The following ELMO1 variants were observed in gnomAD, a reference collection of about 807,000 sequenced individuals.
The protein encoded by ELMO1 is engulfment and cell motility 1, also known as engulfment and cell motility protein 1.
Under a neutral mutation model 98.9 loss-of-function variants are expected in ELMO1, and 26 were observed. The ratio of observed to expected loss-of-function variants is 0.26; its 90% CI spans 0.19 to 0.36. ELMO1 has a LOEUF of 0.36. ELMO1 is among the 10% of genes least tolerant of loss of function. The pLI is 1.00. For missense variants in ELMO1, 627 were observed against 935.2 expected (o/e 0.67, Z 4.30); for synonymous variants, 346 against 346.0 (o/e 1.00, Z 0.00).
chr7:36,980,865 C>A (rs979686214), intron 16 of ELMO1, among the ~76,000 whole-genome samples: 1 of 152,060 alleles, frequency 6.6e-6, no homozygotes, highest in Non-Finnish European at 1.5e-5. Context: ...TCCAACCCTG[C>A]CTATGGTTTA....
At chr7:37,116,213 A>G (rs772923166) in intron 14 of ELMO1, among the ~76,000 whole-genome samples, 37 of 152,216 alleles carry the variant, frequency 2.4e-4, no homozygotes, top group Non-Finnish European at 5.3e-4. Flanking sequence ...CAGAAAAGGG[A>G]GAAGAAATAG....
At chr7:36,900,260 C>T (rs995855014) in intron 16 of ELMO1, among the ~76,000 whole-genome samples, 6 of 152,216 alleles carry the variant, frequency 3.9e-5, no homozygotes, top group Admixed American at 3.9e-4. Flanking sequence ...GTCATATCAC[C>T]AGCAAGCAGT....
chr7:37,164,818 C>T (rs1337641531), intron 13 of ELMO1, among the ~76,000 whole-genome samples: 55 of 150,052 alleles, frequency 3.7e-4, no homozygotes, highest in South Asian at 1.7e-3. Context: ...CTTGGCAATG[C>T]GGGCTCTTTT....
At chr7:37,408,770 G>A (rs1803878796) in intron 1 of ELMO1, among the ~76,000 whole-genome samples, 2 of 152,096 alleles carry the variant, frequency 1.3e-5, no homozygotes, top group Admixed American at 1.3e-4. Context: ...AAGGGAAAGG[G>A]GAAGTCGTTT....
At chr7:37,307,487 C>T (rs1235063799) in intron 4 of ELMO1, among the ~76,000 whole-genome samples, 3 of 152,126 alleles carry the variant, frequency 2.0e-5, no homozygotes, top group African/African-American at 4.8e-5. Flanking sequence ...TCAATTAAAC[C>T]TCTTTCCTTT....
At chr7:37,414,444 C>T (rs917352433) in intron 1 of ELMO1, among the ~76,000 whole-genome samples, 3 of 152,198 alleles carry the variant, frequency 2.0e-5, no homozygotes, top group Non-Finnish European at 4.4e-5. Flanking sequence ...CTAAATTAAG[C>T]ATATCCAGGT....
rs775969599 is a variant in ELMO1 at position 37,133,246 on chromosome 7, A to G, written c.1087-12T>C. The stretch of plus-strand genomic sequence containing the variant: ...GGGTTGACATGATTCTGTGAGTAAA[A>G]CAAAATCATGATAAGGTGAATTCTT... On this transcript the variant is annotated splice_polypyrimidine_tract_variant and intron_variant, in intron 13 of 21. Coordinates refer to ENST00000310758, the MANE Select transcript of ELMO1 (RefSeq NM_014800.11). 6.3e-7 allele frequency: 1 copy of G among 1,598,788 alleles called. No individual in the cohort carries two copies. The highest frequency in any genetic ancestry group is 8.5e-7 in the Non-Finnish European group (1 of 1,170,528).
intron 15 of ELMO1, among the ~76,000 whole-genome samples, chr7:37,015,121 G>A (rs749429083): frequency 2.2e-4 from 33 of 151,992 alleles, no homozygotes; most frequent in Non-Finnish European, 4.0e-4. Flanking sequence ...GGCACAACCC[G>A]ATTTGAAGAT....
chr7:37,414,197 A>G (rs1219781116), intron 1 of ELMO1, among the ~76,000 whole-genome samples: 1 of 135,412 alleles, frequency 7.4e-6, no homozygotes, highest in African/African-American at 2.5e-5. Flanking sequence ...ATTAGAAAAC[A>G]TTATTTGATA....
intron 14 of ELMO1, among the ~76,000 whole-genome samples, chr7:37,111,402 C>T (rs185688254): frequency 4.9e-4 from 75 of 152,350 alleles, no homozygotes; most frequent in African/African-American, 1.8e-3. Flanking sequence ...TGCTGCATCA[C>T]TTTCAAAAGG....
intron 14 of ELMO1, among the ~76,000 whole-genome samples, chr7:37,130,353 A>G (rs954806128): frequency 1.1e-4 from 16 of 152,282 alleles, no homozygotes; most frequent in African/African-American, 2.4e-4. Context: ...AGCCTGAGGG[A>G]CTGAGACAAG....
At chr7:37,317,961 C>T (rs755305336) in intron 2 of ELMO1, among the ~76,000 whole-genome samples, 5 of 152,002 alleles carry the variant, frequency 3.3e-5, no homozygotes, top group Non-Finnish European at 4.4e-5. Flanking sequence ...CTACTAAGTA[C>T]GCACAAAAGT....
intron 16 of ELMO1, among the ~76,000 whole-genome samples, chr7:36,953,837 TTTTG>T (rs1788203543): frequency 7.6e-6 from 1 of 132,334 alleles, no homozygotes; most frequent in South Asian, 2.6e-4. Context: ...TATGGGTATG[TTTTG>T]TGTGTGTGTG....
chr7:36,971,759 G>A (rs1204333831), intron 16 of ELMO1, among the ~76,000 whole-genome samples: 1 of 152,172 alleles, frequency 6.6e-6, no homozygotes, highest in Non-Finnish European at 1.5e-5. Context: ...CCATAATCTC[G>A]AGTGACTGAT....
Position 37,373,557 on chromosome 7 carries a change from C to A in ELMO1, c.-73-30794G>T, listed in dbSNP as rs947811951. Among the ~76,000 whole-genome samples, 6 of 151,040 alleles carry A rather than the reference C, an allele frequency of 4.0e-5. No individual in the cohort carries two copies. In the South Asian group the frequency reaches 1.3e-3, roughly 32 times the overall value. ...CCAGGAGGTGGGGGTTGTGGTGAGC[C>A]GAGATCATCCCACTGCACTCCAGCC... is the stretch of plus-strand genomic sequence containing the variant. On this transcript the variant is annotated intron_variant, in intron 1 of 21. Coordinates refer to ENST00000310758, the MANE Select transcript of ELMO1 (RefSeq NM_014800.11).
intron 2 of ELMO1, among the ~76,000 whole-genome samples, chr7:37,321,691 T>A (rs1324686742): frequency 3.6e-5 from 4 of 112,100 alleles, no homozygotes; most frequent in African/African-American, 1.1e-4. Context: ...CACTCTAGCC[T>A]GGGCAACAGA....
At chr7:37,145,485 T>C (rs976817247) in intron 13 of ELMO1, among the ~76,000 whole-genome samples, 1 of 152,236 alleles carries the variant, frequency 6.6e-6, no homozygotes, top group African/African-American at 2.4e-5. Flanking sequence ...CTCAAATTTC[T>C]CACTAAAATA....
At chr7:37,223,022 C>CTGTA (rs1418435525) in intron 9 of ELMO1, among the ~76,000 whole-genome samples, 5 of 152,018 alleles carry the variant, frequency 3.3e-5, no homozygotes, top group Admixed American at 3.3e-4. Flanking sequence ...GTATGTATGT[C>CTGTA]TGTATGTATG....
intron 13 of ELMO1, among the ~76,000 whole-genome samples, chr7:37,156,461 T>G (rs1788773776): frequency 6.6e-6 from 1 of 151,862 alleles, no homozygotes; most frequent in African/African-American, 2.4e-5. Flanking sequence ...AAAAATCAAG[T>G]AGATGCAATA....
Sources: allele counts gnomAD v4.1 joint callset (sites outside exome capture counted in the v4.1 genomes callset), GRCh38; gene constraint gnomAD v4.1.1; transcripts MANE v1.5; gene names NCBI Gene and HGNC (gene_info 2026-07-23, HGNC 2026-07-21).